CYLC1: variants seen among roughly 807,000 people sequenced by gnomAD.
The protein encoded by CYLC1 is cylicin-1.
In CYLC1, 2 loss-of-function variants were observed where a neutral mutation model predicts 31.6. The ratio of observed to expected loss-of-function variants is 0.06; its 90% CI spans 0.03 to 0.20. The LOEUF (loss-of-function observed/expected upper bound fraction) is 0.20. CYLC1 is among the 10% of genes least tolerant of loss of function. The pLI is 1.00. For synonymous variants in CYLC1, 185 were observed against 153.0 expected, an observed-to-expected ratio of 1.21 and a Z score of -1.54; for missense variants, 595 against 424.1, an observed-to-expected ratio of 1.40 and a Z score of -3.54.
intron 2 of CYLC1, among the ~76,000 whole-genome samples, chrX:83,870,114 G>C (rs2031644277): frequency 1.8e-5 from 2 of 111,380 alleles, no homozygotes; most frequent in Admixed American, 1.9e-4. Flanking sequence ...ATGTAGATTT[G>C]CACTCACTGG....
Position 83,874,342 on chromosome X carries a change from C to G in CYLC1, c.1634C>G (p.Ser545Cys), listed in dbSNP as rs929960988. 1.3e-5 allele frequency: 16 copies of G among 1,207,770 alleles called. No individual in the cohort carries two copies. Among genetic ancestry groups the G allele is most frequent in the Non-Finnish European group, 1.7e-5 (15 of 893,964 alleles). The change falls in exon 4 of 5, where the codon TCT becomes TGT. Residue 545 changes from serine to cysteine, a missense_variant. Ser to Cys is a moderately radical substitution (Grantham distance 112, BLOSUM62 -1). Transcript: ENST00000329312. ...STKIKGSDTE[S>C]EESLYKPGAK... ...AAAATCAAAGGTTCAGATACTGAAT[C>G]TGAAGAGTCACTATATAAACCTGGG...
intron 4 of CYLC1, among the ~76,000 whole-genome samples, chrX:83,885,345 G>C (rs1339577634): frequency 1.8e-5 from 2 of 109,558 alleles, no homozygotes; most frequent in African/African-American, 6.6e-5. Context: ...AAAAAATCAA[G>C]AAATAGAAAT....
chrX:83,879,688 C>T (rs965937684), intron 4 of CYLC1, among the ~76,000 whole-genome samples: 5 of 110,453 alleles, frequency 4.5e-5, no homozygotes, highest in Admixed American at 3.9e-4. Context: ...TCATTCCATA[C>T]GTCTTTCTAA....
Position 83,880,837 on chromosome X carries a change from G to A in CYLC1, c.1924-5715G>A, listed in dbSNP as rs567746363. ...TGAGCACAATGTAAAAGAAACCAAC[G>A]TATTAGAACATGTTTAGTTCAACAA... On this transcript the variant is annotated intron_variant, in intron 4 of 4. Coordinates refer to ENST00000329312, the MANE Select transcript of CYLC1 (RefSeq NM_021118.3). 2.5e-4 allele frequency among the ~76,000 whole-genome samples: 28 copies of A among 111,039 alleles called. No homozygotes were observed. In the South Asian group the frequency reaches 9.1e-3, roughly 36 times the overall value.
intron 1 of CYLC1, among the ~76,000 whole-genome samples, chrX:83,867,885 G>A (rs902315715): frequency 1.8e-5 from 2 of 111,414 alleles, no homozygotes; most frequent in Non-Finnish European, 3.8e-5. Context: ...TTATTATTCA[G>A]CCTTCAATAA....
chrX:83,881,495 C>T (rs182178882), intron 4 of CYLC1, among the ~76,000 whole-genome samples: 1 of 108,331 alleles, frequency 9.2e-6, no homozygotes, highest in Non-Finnish European at 1.9e-5. Flanking sequence ...TGATGGACTA[C>T]GGATAGAATA....
At chrX:83,863,581 CAAGAT>C (rs2031547227) in intron 1 of CYLC1, among the ~76,000 whole-genome samples, 2 of 111,132 alleles carry the variant, frequency 1.8e-5, no homozygotes, top group Non-Finnish European at 3.8e-5. Context: ...CACACCTTTG[CAAGAT>C]AAATGAGCAT....
At chrX:83,880,473 C>T (rs1239283704) in intron 4 of CYLC1, among the ~76,000 whole-genome samples, 1 of 111,138 alleles carries the variant, frequency 9.0e-6, no homozygotes, top group Non-Finnish European at 1.9e-5. Context: ...AATCAGAAGT[C>T]CCATGCAAGT....
At position 83,869,902 on chromosome X, in the gene CYLC1, C is replaced by G. The variant is rs547571553; in HGVS notation, c.55C>G (p.Pro19Ala). The G allele has an allele frequency of 1.5e-5, 12 of 819,053 alleles. No individual in the cohort carries two copies. In the South Asian group the frequency reaches 4.9e-4, roughly 34 times the overall value. 67.5% of individuals were successfully genotyped at this position (819,053 alleles called of 1,213,427 possible). ...CATCAGAACATATGATAATTCCATT[C>G]CAAGTAAGAATTTAGTTAATGAAGT... ...VNIRTYDNSI[P>A]ISESSRKSWN... The change falls in exon 2 of 5, where the codon CCA becomes GCA. Residue 19 changes from proline (P) to alanine (A), a missense_variant. Pro to Ala is a conservative substitution (Grantham distance 27, BLOSUM62 -1). Coordinates refer to ENST00000329312, the MANE Select transcript of CYLC1 (RefSeq NM_021118.3).
rs745585208 is a variant in CYLC1 at position 83,874,308 on chromosome X, A to G, written c.1600A>G (p.Thr534Ala). ...TGAATCTTCCAAGACAGGCTTTAAA[A>G]CATCTACAAAAATCAAAGGTTCAGA... ...FDESSKTGFK[T>A]STKIKGSDTE... The change falls in exon 4 of 5, where the codon ACA (threonine) becomes GCA (alanine). Residue 534 changes from threonine (T) to alanine (A), a missense_variant. Thr to Ala is a moderately conservative substitution (Grantham distance 58, BLOSUM62 0). Coordinates refer to ENST00000329312, the MANE Select transcript of CYLC1 (RefSeq NM_021118.3). 1.2e-5 allele frequency: 15 copies of G among 1,207,698 alleles called. No homozygotes were observed. The highest frequency in any genetic ancestry group is 1.8e-5 in the African/African-American group (1 of 56,939).
intron 4 of CYLC1, among the ~76,000 whole-genome samples, chrX:83,886,156 A>G (rs1452549498): frequency 9.0e-6 from 1 of 111,589 alleles, no homozygotes; most frequent in Non-Finnish European, 1.9e-5. Flanking sequence ...CATTTTTTAC[A>G]TTATATTTTT....
Position 83,873,302 on chromosome X carries a change from A to T in CYLC1, c.594A>T (p.Lys198Asn), listed in dbSNP as rs186943235. Residue 198 changes from lysine (K) to asparagine (N), a missense_variant, in exon 4 of 5, where the codon AAA becomes AAT. Transcript: ENST00000329312. ...SKTVSKNCSQ[K>N]DKKDSKNSKK... ...CAGTCTCAAAAAATTGTTCACAAAA[A>T]GATAAGAAAGATTCAAAGAATTCCA... 46 of 1,199,971 alleles carry T rather than the reference A, an allele frequency of 3.8e-5. No homozygotes were observed. In the African/African-American group the frequency reaches 7.1e-4, roughly 18 times the overall value.
At chrX:83,869,584 G>A (rs1602301784) in intron 1 of CYLC1, among the ~76,000 whole-genome samples, 1 of 110,618 alleles carries the variant, frequency 9.0e-6, no homozygotes, top group Admixed American at 9.7e-5. Context: ...CTCCATAGTG[G>A]ATATGTACCA....
chrX:83,863,549 A>G (rs973203477), intron 1 of CYLC1, among the ~76,000 whole-genome samples: 6 of 111,664 alleles, frequency 5.4e-5, no homozygotes, highest in Non-Finnish European at 1.1e-4. Context: ...TTTTTAGTAA[A>G]TTTAAACCTC....
chrX:83,871,300 A>T (rs2031660560), intron 2 of CYLC1, 152 bp from the exon 3 acceptor site: 2 of 328,207 alleles, frequency 6.1e-6, no homozygotes, highest in African/African-American at 2.8e-5. Context: ...TCTGATTGCT[A>T]TGCAAATAAA....
intron 4 of CYLC1, among the ~76,000 whole-genome samples, chrX:83,884,970 A>T (rs1387450456): frequency 9.0e-6 from 1 of 111,329 alleles, no homozygotes; most frequent in Non-Finnish European, 1.9e-5. Flanking sequence ...AGCTACTACC[A>T]TTCTCTGAGC....
In CYLC1 at chrX:83,874,335, A is replaced by T. The variant is rs918564628; in HGVS notation, c.1627A>T (p.Thr543Ser). The stretch of plus-strand genomic sequence containing the variant: ...ATCTACAAAAATCAAAGGTTCAGAT[A>T]CTGAATCTGAAGAGTCACTATATAA... Reference protein sequence around the residue: ...KTSTKIKGSDTESEESLYKPG... With the variant: ...KTSTKIKGSDSESEESLYKPG... Residue 543 changes from threonine to serine, a missense_variant, in exon 4 of 5, where the codon ACT becomes TCT. Transcript: ENST00000329312. The T allele has an allele frequency of 8.3e-7, 1 of 1,208,656 alleles. No individual in the cohort carries two copies.
chrX:83,873,646 T>G lies in CYLC1; in HGVS notation c.938T>G (p.Val313Gly), dbSNP rs370256694. ...SKDAKKDSKK[V>G]KKNVKKDDKK... ...GATGCTAAGAAAGATTCAAAGAAAGTTAAGAAAAATGTCAAGAAAGATGAC... is the reference window on the plus strand; with the variant it reads ...GATGCTAAGAAAGATTCAAAGAAAGGTAAGAAAAATGTCAAGAAAGATGAC... Residue 313 changes from valine (V) to glycine (G), a missense_variant, in exon 4 of 5, where the codon GTT becomes GGT. Transcript: ENST00000329312. 2.6e-5 allele frequency: 31 copies of G among 1,192,957 alleles called. No homozygotes were observed. The highest frequency in any genetic ancestry group is 3.5e-5 in the Non-Finnish European group (31 of 888,911).
intron 1 of CYLC1, among the ~76,000 whole-genome samples, chrX:83,862,375 C>CAAA (rs754165765): frequency 3.6e-4 from 21 of 58,844 alleles, no homozygotes; most frequent in South Asian, 1.7e-3. Context: ...ACTAAAAATA[C>CAAA]AAAAAAAAAA....
Sources: gnomAD v4.1 joint callset for allele counts (sites outside exome capture counted in the v4.1 genomes callset) on GRCh38, gnomAD v4.1.1 for gene constraint, MANE v1.5 for transcripts, NCBI Gene and HGNC (gene_info 2026-07-23, HGNC 2026-07-21) for gene names.